The following KIF6 variants were observed in gnomAD, a reference collection of about 807,000 sequenced individuals.
The protein encoded by KIF6 is kinesin family member 6.
A neutral mutation model predicts 112.7 loss-of-function variants in KIF6; 106 were observed. The ratio of observed to expected loss-of-function variants is 0.94; its 90% CI spans 0.80 to 1.11. KIF6 has a LOEUF of 1.11. Ranked by LOEUF, KIF6 falls within the 50% of genes least tolerant of loss-of-function variation. The pLI is 0.00. For synonymous variants in KIF6, 339 were observed against 339.9 expected, an observed-to-expected ratio of 1.00 and a Z score of 0.03; for missense variants, 929 against 964.0, an observed-to-expected ratio of 0.96 and a Z score of 0.48.
At chr6:39,714,906 C>T (rs1789744074) in intron 2 of KIF6, 140 bp from the exon 3 acceptor site, 3 of 633,778 alleles carry the variant, frequency 4.7e-6, no homozygotes, top group Admixed American at 2.6e-5. Flanking sequence ...CAATGTTTGC[C>T]CTGTAGTCTC....
At chr6:39,446,350 A>G (rs1301193351) in intron 13 of KIF6, among the ~76,000 whole-genome samples, 1 of 151,796 alleles carries the variant, frequency 6.6e-6, no homozygotes, top group Non-Finnish European at 1.5e-5. Flanking sequence ...TGCCTCCCCT[A>G]CCCCTCAGGC....
At chr6:39,715,033 A>T in intron 2 of KIF6, 1 of 296,656 alleles carries the variant, frequency 3.4e-6, no homozygotes, top group South Asian at 6.5e-5. Context: ...CCAAATAACA[A>T]ATTGTGTGCT....
chr6:39,554,411 T>C, intron 10 of KIF6: 1 of 160,300 alleles, frequency 6.2e-6, no homozygotes, highest in Admixed American at 6.5e-5. Flanking sequence ...GCTCACCACC[T>C]GTGGCTGTGT....
At chr6:39,373,597 TA>T (rs750518457) in intron 16 of KIF6, among the ~76,000 whole-genome samples, 110 of 150,840 alleles carry the variant, frequency 7.3e-4, no homozygotes, top group African/African-American at 2.6e-3. Flanking sequence ...AAAGAGAAAT[TA>T]AAAAAAAATT....
At chr6:39,601,666 A>G (rs1282266412) in intron 6 of KIF6, among the ~76,000 whole-genome samples, 1 of 151,782 alleles carries the variant, frequency 6.6e-6, no homozygotes, top group African/African-American at 2.4e-5. Context: ...AAGTGTTACT[A>G]TACCGGATTT....
chr6:39,408,713 C>A (rs915707912), intron 15 of KIF6, among the ~76,000 whole-genome samples: 9 of 152,128 alleles, frequency 5.9e-5, no homozygotes, highest in Non-Finnish European at 8.8e-5. Context: ...AGTGGCTACT[C>A]TCCTCTGGGG....
chr6:39,690,206 C>T lies in KIF6; in HGVS notation c.251+24486G>A, dbSNP rs908567129. 5.3e-5 allele frequency: 8 copies of T among 151,946 alleles called. No individual in the cohort carries two copies. The South Asian group carries it at 8.3e-4, about 16-fold the overall frequency. The allele number at this position is 151,946 out of a possible 1,614,324, so 9.4% of individuals were successfully genotyped here. ...CTTTTATCTGTATGCCAAATGATTA[C>T]ATAATTTAAAACTTCCCGAAGGGAG... is the stretch of plus-strand genomic sequence containing the variant. On this transcript the variant is annotated intron_variant, in intron 3 of 22. Coordinates refer to ENST00000287152, the MANE Select transcript of KIF6 (RefSeq NM_145027.6).
At chr6:39,369,550 C>T (rs1396920868) in intron 16 of KIF6, among the ~76,000 whole-genome samples, 1 of 152,148 alleles carries the variant, frequency 6.6e-6, no homozygotes, top group Non-Finnish European at 1.5e-5. Context: ...CCATCTCTTC[C>T]TGTGTGAGTA....
chr6:39,720,823 A>G lies in KIF6; in HGVS notation c.67-12T>C, dbSNP rs752227171. On this transcript the variant is annotated splice_polypyrimidine_tract_variant and intron_variant, in intron 1 of 22. Coordinates refer to ENST00000287152, the MANE Select transcript of KIF6 (RefSeq NM_145027.6). ...TCTATGGAATAAATCTGCAAATGTG[A>G]AGACAACAAATGGATATAAAATGGT... 6 of 1,158,504 alleles carry G rather than the reference A, an allele frequency of 5.2e-6. No individual in the cohort carries two copies. The highest frequency in any genetic ancestry group is 4.9e-5 in the South Asian group (4 of 81,686). The allele number at this position is 1,158,504 out of a possible 1,614,324, so 71.8% of individuals were successfully genotyped here.
chr6:39,396,269 G>A (rs115648977), intron 15 of KIF6, among the ~76,000 whole-genome samples: 287 of 152,346 alleles, frequency 1.9e-3, no homozygotes, highest in Non-Finnish European at 3.2e-3. Context: ...TGCACGTTGC[G>A]TCTTTCTGGT....
chr6:39,427,320 C>A (rs186054590), intron 14 of KIF6, among the ~76,000 whole-genome samples: 1 of 152,282 alleles, frequency 6.6e-6, no homozygotes, highest in East Asian at 1.9e-4. Context: ...ATGGAAGTGA[C>A]CCTATGAGCA....
Position 39,545,602 on chromosome 6 carries a change from T to C in KIF6, c.1268A>G (p.His423Arg), listed in dbSNP as rs750525912. Residue 423 changes from histidine to arginine, a missense_variant, in exon 11 of 23, where the codon CAC (histidine) becomes CGC (arginine). By Grantham distance (29) the His-to-Arg change is conservative. Transcript: ENST00000287152. ...GTTTACCTTTAAATGATGAAAACAG[T>C]GATGAACTTTACGCATATCCGCGCC... ...EVGADMRKVH[H>R]CFHHLKKLLN... The C allele has an allele frequency of 1.9e-6, 3 of 1,611,136 alleles. No homozygotes were observed. In the Admixed American group the frequency reaches 5.0e-5, roughly 27 times the overall value.
chr6:39,496,046 T>C (rs140836488), intron 13 of KIF6, among the ~76,000 whole-genome samples: 1 of 152,328 alleles, frequency 6.6e-6, no homozygotes, highest in East Asian at 1.9e-4. Context: ...CCTATCCCAA[T>C]CATTTCTTCA....
chr6:39,716,079 A>T, intron 2 of KIF6, among the ~76,000 whole-genome samples: 1 of 152,222 alleles, frequency 6.6e-6, no homozygotes, highest in Non-Finnish European at 1.5e-5. Flanking sequence ...TTCTTTAAAA[A>T]AAGAGTAATT....
At chr6:39,493,468 T>C (rs574786816) in intron 13 of KIF6, among the ~76,000 whole-genome samples, 1 of 152,354 alleles carries the variant, frequency 6.6e-6, no homozygotes, top group East Asian at 1.9e-4. Flanking sequence ...GATTCTTTCC[T>C]TCTCTGTTTC....
intron 19 of KIF6, chr6:39,354,152 C>A: frequency 2.9e-6 from 1 of 345,262 alleles, no homozygotes; most frequent in South Asian, 2.5e-5. Flanking sequence ...ATGTGACCTG[C>A]TGCCCTGCAA....
chr6:39,493,509 A>T (rs1044584231), intron 13 of KIF6, among the ~76,000 whole-genome samples: 2 of 152,238 alleles, frequency 1.3e-5, no homozygotes, highest in African/African-American at 4.8e-5. Flanking sequence ...TGTTCAACAG[A>T]ATCAGGAAGC....
intron 13 of KIF6, among the ~76,000 whole-genome samples, chr6:39,443,114 AAATAATAAT>A (rs370011414): frequency 0.039 from 5,145 of 131,520 alleles, 266 homozygotes; most frequent in African/African-American, 0.12. Context: ...ACTGCATCTC[AAATAATAAT>A]AATAATAATA....
At chr6:39,590,137 T>TC (rs1303503318) in intron 7 of KIF6, among the ~76,000 whole-genome samples, 3 of 152,098 alleles carry the variant, frequency 2.0e-5, no homozygotes, top group Non-Finnish European at 2.9e-5. Context: ...AACTCTAGCC[T>TC]CTAAGAACAA....
Sources: gnomAD v4.1 joint callset for allele counts (sites outside exome capture counted in the v4.1 genomes callset) on GRCh38, gnomAD v4.1.1 for gene constraint, MANE v1.5 for transcripts, NCBI Gene and HGNC (gene_info 2026-07-23, HGNC 2026-07-21) for gene names.